ARV1: variants seen among roughly 807,000 people sequenced by gnomAD.
ARV1 encodes the protein protein ARV1.
In ARV1, 26 loss-of-function variants were observed where a neutral mutation model predicts 31.1. That is an observed-to-expected ratio of 0.84 (90% CI 0.61 to 1.16). ARV1 has a LOEUF of 1.16. Ranked by LOEUF, ARV1 falls within the 50% of genes most tolerant of loss-of-function variation. The pLI is 0.00. For missense variants in ARV1, 281 were observed against 324.9 expected, an observed-to-expected ratio of 0.86 and a Z score of 1.04; for synonymous variants, 117 against 123.2, an observed-to-expected ratio of 0.95 and a Z score of 0.34.
At chr1:230,988,479 C>T in intron 2 of ARV1, 40 bp downstream of exon 2, 1 of 1,408,168 alleles carries the variant, frequency 7.1e-7, no homozygotes, top group Non-Finnish European at 9.6e-7. Flanking sequence ...TTATTTGATG[C>T]TGTTACATTT....
chr1:230,984,363 CGTGT>C (rs34285543), intron 1 of ARV1, among the ~76,000 whole-genome samples: 2,874 of 129,752 alleles, frequency 0.022, 49 homozygotes, highest in African/African-American at 0.048. Context: ...TGTGTGTGTG[CGTGT>C]GTGTGTGTGT....
chr1:230,997,214 A>G lies in ARV1; in HGVS notation c.767A>G (p.Glu256Gly). The change falls in exon 5 of 6, where the codon GAA becomes GGA. Residue 256 changes from glutamate (E) to glycine (G), a missense_variant. Transcript: ENST00000310256. ...ATGGTCTACTTCTTCCAGAGTATGG[A>G]ATGGGATGTTGGAAGTGATTATGCC... ...SIMVYFFQSM[E>G]WDVGSDYAIF... 1 of 1,614,028 alleles carries G rather than the reference A, an allele frequency of 6.2e-7. No homozygotes were observed. Among genetic ancestry groups the G allele is most frequent in the Non-Finnish European group, 8.5e-7 (1 of 1,179,880 alleles).
At chr1:230,994,727 G>A (rs1679316375) in intron 3 of ARV1, among the ~76,000 whole-genome samples, 1 of 152,030 alleles carries the variant, frequency 6.6e-6, no homozygotes, top group Admixed American at 6.6e-5. Context: ...TGTATTTTTA[G>A]TAGAGACGGG....
chr1:230,990,217 T>C lies in ARV1; in HGVS notation c.402T>C (p.Tyr134=), dbSNP rs1679192283. The C allele has an allele frequency of 6.2e-7, 1 of 1,613,106 alleles. No homozygotes were observed. Among genetic ancestry groups the C allele is most frequent in the Non-Finnish European group, 8.5e-7 (1 of 1,179,880 alleles). Residue 134 remains tyrosine, a synonymous_variant, in exon 3 of 6, where the codon TAT becomes TAC. Coordinates refer to ENST00000310256, the MANE Select transcript of ARV1 (RefSeq NM_022786.3). ...CTGCCCCTGATGACTTGATCAGATA[T>C]GCTAAGGAATGGGATTTCTATAGAA... The part of the protein sequence containing the change: ...QNTAPDDLIR[Y]AKEWDFYRMF...
At chr1:230,999,599 A>G (rs1334616877) in intron 5 of ARV1, 1 of 152,356 alleles carries the variant, frequency 6.6e-6, no homozygotes, top group Non-Finnish European at 1.5e-5. Context: ...TCTCTTCTCC[A>G]AACTTGCCTT....
intron 1 of ARV1, among the ~76,000 whole-genome samples, chr1:230,986,668 A>ATTTTTTT (rs1162209283): frequency 4.0e-4 from 25 of 62,354 alleles, no homozygotes; most frequent in African/African-American, 8.4e-4. Flanking sequence ...TACTTTTCCT[A>ATTTTTTT]TTTTTTTTTT....
Position 230,997,280 on chromosome 1 carries a change from T to G in ARV1, c.*4+13T>G. ...GACTTCTGAAGAGGTACTGAAAGCA[T>G]GTAGTGTTCATGCATTCAGACATGT... On this transcript the variant is annotated intron_variant, in intron 5 of 5. Transcript: ENST00000310256. 6.2e-6 allele frequency: 10 copies of G among 1,612,796 alleles called. No individual in the cohort carries two copies. The highest frequency in any genetic ancestry group is 8.5e-6 in the Non-Finnish European group (10 of 1,179,028).
rs1221193060 is a variant in ARV1 at position 230,979,116 on chromosome 1, G to A, written c.11G>A (p.Gly4Asp). The stretch of plus-strand genomic sequence containing the variant: ...TGCAGTTGAGTGGAAATGGGCAACG[G>A]CGGGCGGAGCGGCCTGCAGCAGGGG... MGN[G>D]GRSGLQQGKG... The change falls in exon 1 of 6, where the codon GGC becomes GAC. Residue 4 changes from glycine (G) to aspartate (D), a missense_variant. By Grantham distance (94) the Gly-to-Asp change is moderately conservative. Coordinates refer to ENST00000310256, the MANE Select transcript of ARV1 (RefSeq NM_022786.3). 2.5e-6 allele frequency: 4 copies of A among 1,587,150 alleles called. No individual in the cohort carries two copies. Among genetic ancestry groups the A allele is most frequent in the South Asian group, 1.2e-5 (1 of 86,422 alleles).
chr1:230,979,109 G>A lies in ARV1; in HGVS notation c.4G>A (p.Gly2Ser), dbSNP rs1428674761. The change falls in exon 1 of 6, where the codon GGC (glycine) becomes AGC (serine). Residue 2 changes from glycine to serine, a missense_variant. Coordinates refer to ENST00000310256, the MANE Select transcript of ARV1 (RefSeq NM_022786.3). The part of the protein sequence containing the change: M[G>S]NGGRSGLQQG... Reference sequence around the variant, plus strand: ...TCTGGACTGCAGTTGAGTGGAAATGGGCAACGGCGGGCGGAGCGGCCTGCA... The same window carrying A: ...TCTGGACTGCAGTTGAGTGGAAATGAGCAACGGCGGGCGGAGCGGCCTGCA... The A allele has an allele frequency of 4.4e-6, 7 of 1,586,758 alleles. No individual in the cohort carries two copies. Among genetic ancestry groups the A allele is most frequent in the Non-Finnish European group, 5.1e-6 (6 of 1,168,852 alleles).
intron 1 of ARV1, among the ~76,000 whole-genome samples, chr1:230,984,363 CGTGTGTGTGTGTGTGTGT>C (rs34285543): frequency 7.7e-6 from 1 of 129,762 alleles, no homozygotes; most frequent in Non-Finnish European, 1.6e-5. Context: ...TGTGTGTGTG[CGTGTGTGTGTGTGTGTGT>C]GTGTGTGTGT....
At chr1:230,991,118 A>G (rs1440462711) in intron 3 of ARV1, among the ~76,000 whole-genome samples, 1 of 152,178 alleles carries the variant, frequency 6.6e-6, no homozygotes, top group Non-Finnish European at 1.5e-5. Flanking sequence ...TTCACTTCAT[A>G]AGTTATTGTT....
At position 230,995,752 on chromosome 1, in the gene ARV1, T is replaced by C. The variant is rs751914212; in HGVS notation, c.449-8T>C. 3.7e-6 allele frequency: 6 copies of C among 1,602,252 alleles called. No individual in the cohort carries two copies. The stretch of plus-strand genomic sequence containing the variant: ...CATTCATACTTTTATTTTCCATTTC[T>C]TCTTTAGAACAAACTGCCTATTTTA... On this transcript the variant is annotated splice_polypyrimidine_tract_variant and splice_region_variant and intron_variant, in intron 3 of 5. Transcript: ENST00000310256.
intron 2 of ARV1, among the ~76,000 whole-genome samples, chr1:230,988,732 A>T (rs985122510): frequency 2.0e-5 from 3 of 152,240 alleles, no homozygotes; most frequent in Non-Finnish European, 4.4e-5. Flanking sequence ...CTGGTTTTTA[A>T]CAGAATACAA....
intron 1 of ARV1, among the ~76,000 whole-genome samples, chr1:230,981,383 C>T (rs1202054429): frequency 6.6e-6 from 1 of 152,242 alleles, no homozygotes; most frequent in Non-Finnish European, 1.5e-5. Flanking sequence ...ATATACCCAT[C>T]ACAGTTAATG....
intron 1 of ARV1, 49 bp downstream of exon 1, chr1:230,979,328 G>C: frequency 6.2e-7 from 1 of 1,605,152 alleles, no homozygotes. Context: ...GGCGCGGCGG[G>C]ATTTGGGGAC....
intron 1 of ARV1, among the ~76,000 whole-genome samples, chr1:230,986,035 C>T (rs1679056363): frequency 6.6e-6 from 1 of 151,994 alleles, no homozygotes; most frequent in African/African-American, 2.4e-5. Flanking sequence ...TCTCCTGCCT[C>T]ATCCTGTAGT....
rs751352668 is a variant in ARV1, at chr1:230,988,453, A to C, written c.294+14A>C. The C allele has an allele frequency of 6.7e-7, 1 of 1,499,690 alleles. No homozygotes were observed. Among genetic ancestry groups the C allele is most frequent in the Non-Finnish European group, 9.0e-7 (1 of 1,117,036 alleles). 92.9% of individuals were successfully genotyped at this position (1,499,690 alleles called of 1,614,324 possible). ...ACTCAAATAAATGTAAGTTGTGATAATTTCATTTTTTAATTTTATTTGATG... is the reference window on the plus strand; with the variant it reads ...ACTCAAATAAATGTAAGTTGTGATACTTTCATTTTTTAATTTTATTTGATG... On this transcript the variant is annotated intron_variant, in intron 2 of 5. Coordinates refer to ENST00000310256, the MANE Select transcript of ARV1 (RefSeq NM_022786.3).
intron 3 of ARV1, chr1:230,990,490 A>T (rs748401269): frequency 8.8e-6 from 4 of 457,070 alleles, no homozygotes; most frequent in Non-Finnish European, 1.1e-5. Context: ...AGTTATGCTT[A>T]TCGGATTAGA....
At chr1:230,986,068 C>G (rs944126565) in intron 1 of ARV1, among the ~76,000 whole-genome samples, 2 of 151,122 alleles carry the variant, frequency 1.3e-5, no homozygotes, top group Admixed American at 6.6e-5. Flanking sequence ...AGGCACCTGC[C>G]ACCACGCCCT....
Sources: allele counts gnomAD v4.1 joint callset (sites outside exome capture counted in the v4.1 genomes callset), GRCh38; gene constraint gnomAD v4.1.1; transcripts MANE v1.5; gene names NCBI Gene and HGNC (gene_info 2026-07-23, HGNC 2026-07-21).